Variants in SLC2A1 observed in about 807,000 individuals in gnomAD.
SLC2A1 encodes the protein solute carrier family 2 member 1, also known as solute carrier family 2, facilitated glucose transporter member 1.
In SLC2A1, 4 loss-of-function variants were observed where a neutral mutation model predicts 46.6. The observed-to-expected ratio is 0.09, with a 90% CI of 0.04 to 0.20. SLC2A1 has a LOEUF of 0.20. Ranked by LOEUF, SLC2A1 falls within the 10% of genes least tolerant of loss-of-function variation. SLC2A1 has a pLI of 1.00. For synonymous variants in SLC2A1, 253 were observed against 270.0 expected (o/e 0.94, Z 0.62); for missense variants, 352 against 667.0 (o/e 0.53, Z 5.20).
intron 1 of SLC2A1, chr1:42,951,597 C>T (rs1459857870): frequency 2.7e-6 from 1 of 371,772 alleles, no homozygotes. Flanking sequence ...GGGTAAACAC[C>T]AAACTGTCAA....
chr1:42,933,676 G>A (rs1643515026), intron 2 of SLC2A1, among the ~76,000 whole-genome samples: 1 of 152,130 alleles, frequency 6.6e-6, no homozygotes, highest in Non-Finnish European at 1.5e-5. Context: ...CCGTTTATCA[G>A]GCTCCACCAA....
intron 2 of SLC2A1, among the ~76,000 whole-genome samples, chr1:42,939,711 G>A (rs1557649971): frequency 6.6e-6 from 1 of 152,184 alleles, no homozygotes; most frequent in African/African-American, 2.4e-5. Flanking sequence ...ACTTTGGGAG[G>A]CCAAGGCAGG....
chr1:42,944,699 G>C (rs990359712), intron 1 of SLC2A1, among the ~76,000 whole-genome samples: 1 of 152,182 alleles, frequency 6.6e-6, no homozygotes, highest in African/African-American at 2.4e-5. Flanking sequence ...AGAAGGCTTC[G>C]GCCCAGGAGG....
At chr1:42,941,272 G>C (rs1033359793) in intron 2 of SLC2A1, among the ~76,000 whole-genome samples, 1 of 152,112 alleles carries the variant, frequency 6.6e-6, no homozygotes, top group Non-Finnish European at 1.5e-5. Context: ...CCCCCGTGCT[G>C]GTGCCCATCC....
At chr1:42,939,906 T>TCATG (rs1344742747) in intron 2 of SLC2A1, among the ~76,000 whole-genome samples, 3 of 140,620 alleles carry the variant, frequency 2.1e-5, no homozygotes, top group Non-Finnish European at 4.5e-5. Flanking sequence ...TGAGCCAAGA[T>TCATG]CATGCCACTG....
chr1:42,945,413 T>C (rs1439428524), intron 1 of SLC2A1, among the ~76,000 whole-genome samples: 1 of 150,822 alleles, frequency 6.6e-6, no homozygotes, highest in Admixed American at 6.6e-5. Context: ...GTGTATATTG[T>C]ATGCTACCTT....
At chr1:42,941,525 G>A (rs1643598367) in intron 2 of SLC2A1, among the ~76,000 whole-genome samples, 1 of 152,176 alleles carries the variant, frequency 6.6e-6, no homozygotes, top group African/African-American at 2.4e-5. Flanking sequence ...TGGCCTTAGA[G>A]TCCTAGTTCT....
At chr1:42,938,957 C>A (rs1185830676) in intron 2 of SLC2A1, among the ~76,000 whole-genome samples, 1 of 152,228 alleles carries the variant, frequency 6.6e-6, no homozygotes, top group Non-Finnish European at 1.5e-5. Flanking sequence ...GCTGTGGAGA[C>A]AGGGCCTGGC....
intron 2 of SLC2A1, among the ~76,000 whole-genome samples, chr1:42,941,146 C>T (rs1643593798): frequency 6.6e-6 from 1 of 152,214 alleles, no homozygotes; most frequent in Non-Finnish European, 1.5e-5. Context: ...ATTCTTAAGT[C>T]CGCCCCTCCA....
At chr1:42,943,113 C>G in intron 2 of SLC2A1, 113 bp downstream of exon 2, 1 of 755,826 alleles carries the variant, frequency 1.3e-6, no homozygotes, top group Non-Finnish European at 2.4e-6. Context: ...GCAGACAGTA[C>G]AGTGCGTTCA....
chr1:42,957,506 A>T (rs1325139662), intron 1 of SLC2A1, among the ~76,000 whole-genome samples: 1 of 152,192 alleles, frequency 6.6e-6, no homozygotes, highest in Non-Finnish European at 1.5e-5. Context: ...AGGGCCATCC[A>T]GGTGCCCTCC....
Position 42,949,811 on chromosome 1 carries a change from A to G in SLC2A1, c.19-6490T>C, listed in dbSNP as rs60437192. Among the ~76,000 whole-genome samples the G allele has an allele frequency of 9.9e-3, 1,514 of 152,226 alleles. 25 individuals carry two copies. The highest frequency in any genetic ancestry group is 0.034 in the African/African-American group (1,419 of 41,546). On this transcript the variant is annotated intron_variant, in intron 1 of 9. Coordinates refer to ENST00000426263, the MANE Select transcript of SLC2A1 (RefSeq NM_006516.4). ...AAATGAGAGAGAGGGAAAAGCGCAG[A>G]ACCAGGGGACTCTAGGCTTCAGGGA...
At chr1:42,933,831 C>CA (rs1643516281) in intron 2 of SLC2A1, among the ~76,000 whole-genome samples, 2 of 152,124 alleles carry the variant, frequency 1.3e-5, no homozygotes, top group South Asian at 4.1e-4. Flanking sequence ...ACCAGACCTA[C>CA]AAGCAGGGCT....
Position 42,927,839 on chromosome 1 carries a change from T to C in SLC2A1, c.1075-31A>G. On this transcript the variant is annotated intron_variant, in intron 8 of 9. Transcript: ENST00000426263. This position sits in a 1 kb window ranked among gnomAD's most constrained non-coding sequence, Gnocchi z 5.3. Reference sequence around the variant, plus strand: ...GAGGATGACGGAGAGGGGGAAAAGTTAGACTGGGTTGTGATGGATCCTCAG... The same window carrying C: ...GAGGATGACGGAGAGGGGGAAAAGTCAGACTGGGTTGTGATGGATCCTCAG... The C allele has an allele frequency of 6.5e-7, 1 of 1,544,054 alleles. No homozygotes were observed. The highest frequency in any genetic ancestry group is 8.9e-7 in the Non-Finnish European group (1 of 1,126,424).
intron 2 of SLC2A1, among the ~76,000 whole-genome samples, chr1:42,939,082 G>C (rs1474674682): frequency 6.6e-6 from 1 of 152,258 alleles, no homozygotes; most frequent in African/African-American, 2.4e-5. Flanking sequence ...GGATGCTCAG[G>C]AAGTCCTGGC....
At chr1:42,938,694 C>T (rs924639540) in intron 2 of SLC2A1, among the ~76,000 whole-genome samples, 10 of 152,304 alleles carry the variant, frequency 6.6e-5, no homozygotes, top group East Asian at 5.8e-4. Flanking sequence ...TTAGCAATTC[C>T]GCATCAGCAG....
chr1:42,925,362 C>T lies in SLC2A1; in HGVS notation c.*1679G>A, dbSNP rs1643414342. The T allele has an allele frequency of 6.6e-6, 1 of 152,218 alleles. No individual in the cohort carries two copies. The highest frequency in any genetic ancestry group is 2.1e-4 in the South Asian group (1 of 4,832). The allele number at this position is 152,218 out of a possible 1,614,324, so 9.4% of individuals were successfully genotyped here. The stretch of plus-strand genomic sequence containing the variant: ...GCAAACTTCTCCCAGATTTTGTCAG[C>T]TGAGCCTCTAGAGACAAATATCTTT... On this transcript the variant is annotated 3_prime_UTR_variant, in exon 10 of 10. Transcript: ENST00000426263.
In SLC2A1 at chr1:42,930,869, G is replaced by A. The variant is rs756581984; in HGVS notation, c.276-3C>T. ...TCATCATCAGCATTGAATTCCGCCT[G>A]GGGACGGGGTCACAGGTCAGGCCAG... On this transcript the variant is annotated splice_region_variant and splice_polypyrimidine_tract_variant and intron_variant, in intron 3 of 9. Transcript: ENST00000426263. The surrounding 1 kb of genome is among the most constrained non-coding windows in gnomAD (Gnocchi z 6.2). 3.1e-6 allele frequency: 5 copies of A among 1,601,170 alleles called. No individual in the cohort carries two copies. The highest frequency in any genetic ancestry group is 4.2e-6 in the Non-Finnish European group (5 of 1,179,922).
rs1643487517 is a variant in SLC2A1, at chr1:42,931,288, C to T, written c.115-82G>A. 2.1e-6 allele frequency: 3 copies of T among 1,420,548 alleles called. No individual in the cohort carries two copies. In the South Asian group the frequency reaches 3.9e-5, roughly 18 times the overall value. The allele number at this position is 1,420,548 out of a possible 1,614,324, so 88.0% of individuals were successfully genotyped here. On this transcript the variant is annotated intron_variant, in intron 2 of 9. Transcript: ENST00000426263. The stretch of plus-strand genomic sequence containing the variant: ...TTTTCCTTTCCCCTTGCACCCCTCC[C>T]TAAGAGAGGGCCAGGGCCTGGCTCT...
Sources: allele counts gnomAD v4.1 joint callset (sites outside exome capture counted in the v4.1 genomes callset), GRCh38; gene constraint gnomAD v4.1.1; non-coding constraint Gnocchi (gnomAD v3.1); transcripts MANE v1.5; gene names NCBI Gene and HGNC (gene_info 2026-07-23, HGNC 2026-07-21).